The following RELN variants were observed in gnomAD, a reference collection of about 807,000 sequenced individuals.
RELN encodes the protein reelin.
Under a neutral mutation model 427.6 loss-of-function variants are expected in RELN, and 108 were observed. The observed-to-expected ratio is 0.25, with a 90% CI of 0.22 to 0.30. The LOEUF is 0.30. Ranked by LOEUF, RELN falls within the 10% of genes least tolerant of loss-of-function variation. RELN has a pLI of 1.00. For missense variants in RELN, 3,715 were observed against 4,302.8 expected, an observed-to-expected ratio of 0.86 and a Z score of 3.82; for synonymous variants, 1,524 against 1,513.4, an observed-to-expected ratio of 1.01 and a Z score of -0.16.
In RELN at chr7:103,892,955, G is replaced by A. The variant is rs1794881919; in HGVS notation, c.337+24120C>T. 5.3e-5 allele frequency among the ~76,000 whole-genome samples: 8 copies of A among 152,232 alleles called. 1 individual carries two copies. In the South Asian group the frequency reaches 1.7e-3, roughly 32 times the overall value. ...GGTCTTTAGTTCTGAGCTCAACAAA[G>A]AAATTTTGAAAGAGAAGAGAGGGGG... On this transcript the variant is annotated intron_variant, in intron 2 of 64. Coordinates refer to ENST00000428762, the MANE Select transcript of RELN (RefSeq NM_005045.4).
In RELN at chr7:103,661,581, A is replaced by G. The variant is rs543063078; in HGVS notation, c.1290-54T>C. On this transcript the variant is annotated intron_variant, in intron 11 of 64. Coordinates refer to ENST00000428762, the MANE Select transcript of RELN (RefSeq NM_005045.4). ...AGTTAGAATATTAAGCCAAATCTTT[A>G]TAAAGAATAACATTTAGTTTTTAGT... 100 of 1,525,634 alleles carry G rather than the reference A, an allele frequency of 6.6e-5. No individual in the cohort carries two copies. In the African/African-American group the frequency reaches 1.3e-3, roughly 20 times the overall value. The allele number at this position is 1,525,634 out of a possible 1,614,324, so 94.5% of individuals were successfully genotyped here.
At chr7:103,581,434 T>G (rs1372327219) in intron 28 of RELN, among the ~76,000 whole-genome samples, 1 of 152,164 alleles carries the variant, frequency 6.6e-6, no homozygotes, top group Non-Finnish European at 1.5e-5. Context: ...GGACCCACAT[T>G]CACATCTCAA....
intron 6 of RELN, among the ~76,000 whole-genome samples, chr7:103,741,445 CAGTT>C (rs1261608150): frequency 1.3e-5 from 2 of 151,786 alleles, no homozygotes; most frequent in African/African-American, 2.4e-5. Flanking sequence ...CTTGGGGACT[CAGTT>C]AAATAAATTA....
At chr7:103,851,544 T>C (rs1469721858) in intron 2 of RELN, among the ~76,000 whole-genome samples, 1 of 152,186 alleles carries the variant, frequency 6.6e-6, no homozygotes, top group African/African-American at 2.4e-5. Flanking sequence ...GCAAGCAATG[T>C]AAATGGAAGG....
chr7:103,776,035 T>A (rs944449597), intron 4 of RELN, among the ~76,000 whole-genome samples: 3 of 152,230 alleles, frequency 2.0e-5, no homozygotes, highest in African/African-American at 7.2e-5. Context: ...TGTGTGTGCA[T>A]GTGCATGCAT....
At position 103,566,212 on chromosome 7, in the gene RELN, G is replaced by T; in HGVS notation, c.4936+12C>A. 6.2e-7 allele frequency: 1 copy of T among 1,601,976 alleles called. No homozygotes were observed. The highest frequency in any genetic ancestry group is 1.1e-5 in the South Asian group (1 of 90,776). The stretch of plus-strand genomic sequence containing the variant: ...ATCAGATATTTTCCCTTTATCTGGT[G>T]ACAATATATACCTATGTTTTCAGTG... On this transcript the variant is annotated intron_variant, in intron 33 of 64. Transcript: ENST00000428762.
intron 3 of RELN, among the ~76,000 whole-genome samples, chr7:103,785,411 A>C (rs1288757696): frequency 6.6e-6 from 1 of 152,142 alleles, no homozygotes; most frequent in Non-Finnish European, 1.5e-5. Flanking sequence ...ACAGTCTGTA[A>C]ATTTGCTGAA....
At chr7:103,636,803 T>C (rs1484886597) in intron 17 of RELN, among the ~76,000 whole-genome samples, 3 of 152,220 alleles carry the variant, frequency 2.0e-5, no homozygotes, top group Non-Finnish European at 4.4e-5. Flanking sequence ...ATAACACTCA[T>C]TAAATTTATA....
chr7:103,876,177 G>T (rs74739009), intron 2 of RELN, among the ~76,000 whole-genome samples: 2 of 152,068 alleles, frequency 1.3e-5, no homozygotes, highest in East Asian at 1.9e-4. Context: ...TAACTTGTAC[G>T]GAAAGATGAA....
intron 4 of RELN, among the ~76,000 whole-genome samples, chr7:103,768,362 T>TAA (rs71154368): frequency 1.2e-4 from 18 of 148,092 alleles, no homozygotes; most frequent in African/African-American, 3.7e-4. Context: ...TCAGAGATAT[T>TAA]AAAAAAAAAA....
chr7:103,742,156 G>A (rs1447638801), intron 6 of RELN, among the ~76,000 whole-genome samples: 1 of 152,164 alleles, frequency 6.6e-6, no homozygotes, highest in Non-Finnish European at 1.5e-5. Context: ...AGGCAAACAG[G>A]GTCTGGAGTG....
At chr7:103,918,224 G>C (rs928334203) in intron 1 of RELN, among the ~76,000 whole-genome samples, 5 of 152,048 alleles carry the variant, frequency 3.3e-5, no homozygotes, top group South Asian at 2.1e-4. Context: ...TAATGGCATG[G>C]GGGATTGGAA....
At chr7:103,692,199 G>A (rs944363225) in intron 10 of RELN, among the ~76,000 whole-genome samples, 3 of 152,234 alleles carry the variant, frequency 2.0e-5, no homozygotes, top group Admixed American at 6.5e-5. Context: ...GTGGGATCAC[G>A]AAGGGGCAAG....
chr7:103,988,558 G>C lies in RELN; in HGVS notation c.226+573C>G, dbSNP rs1797149745. 6.6e-6 allele frequency among the ~76,000 whole-genome samples: 1 copy of C among 152,220 alleles called. No homozygotes were observed. The highest frequency in any genetic ancestry group is 2.4e-5 in the African/African-American group (1 of 41,456). ...CTTTCAAAAGAATAGGGAGCTGGAAGCAGCCGCTCCCTTTCAGGAGGGCTG... is the reference window on the plus strand; with the variant it reads ...CTTTCAAAAGAATAGGGAGCTGGAACCAGCCGCTCCCTTTCAGGAGGGCTG... On this transcript the variant is annotated intron_variant, in intron 1 of 64. Transcript: ENST00000428762. The surrounding 1 kb of genome is among the most constrained non-coding windows in gnomAD (Gnocchi z 4.9).
At chr7:103,525,823 A>C (rs1356138234) in intron 46 of RELN, among the ~76,000 whole-genome samples, 1 of 152,036 alleles carries the variant, frequency 6.6e-6, no homozygotes, top group East Asian at 1.9e-4. Context: ...TGGTTCCCCT[A>C]ATATCTTACA....
At position 103,497,888 on chromosome 7, in the gene RELN, T is replaced by C. The variant is rs778198274; in HGVS notation, c.8882A>G (p.Asn2961Ser). The C allele has an allele frequency of 1.9e-6, 3 of 1,614,024 alleles. No homozygotes were observed. The highest frequency in any genetic ancestry group is 2.5e-6 in the Non-Finnish European group (3 of 1,180,014). Residue 2961 changes from asparagine to serine, a missense_variant, in exon 55 of 65, where the codon AAC becomes AGC. Around this residue, in one of 4 missense-constraint regions of RELN, gnomAD observed 1,310 missense variants for 1,643.0 expected, o/e 0.80. Coordinates refer to ENST00000428762, the MANE Select transcript of RELN (RefSeq NM_005045.4). ...QYWGRIGSEN[N>S]MTSCHRPICR... ...GATGGGACGATGGCAAGAGGTCATG[T>C]TGTTCTCACTACCGATGCGCCCCCA...
At position 103,762,821 on chromosome 7, in the gene RELN, C is replaced by G. The variant is rs140246087; in HGVS notation, c.545-9607G>C. Among the ~76,000 whole-genome samples, 233 of 151,950 alleles carry G rather than the reference C, an allele frequency of 1.5e-3. 1 individual carries two copies. Among genetic ancestry groups the G allele is most frequent in the African/African-American group, 5.2e-3 (217 of 41,400 alleles). On this transcript the variant is annotated intron_variant, in intron 4 of 64. Coordinates refer to ENST00000428762, the MANE Select transcript of RELN (RefSeq NM_005045.4). Reference sequence around the variant, plus strand: ...GATGAATTGTATAATCTGTCTTGCTCTAAGATAGATTTAAGGCAGCTTACA... The same window carrying G: ...GATGAATTGTATAATCTGTCTTGCTGTAAGATAGATTTAAGGCAGCTTACA...
At chr7:103,583,549 T>C (rs1831201944) in intron 28 of RELN, among the ~76,000 whole-genome samples, 1 of 152,246 alleles carries the variant, frequency 6.6e-6, no homozygotes, top group Non-Finnish European at 1.5e-5. Context: ...GATAAAAGTT[T>C]AGAAGATTCC....
intron 4 of RELN, among the ~76,000 whole-genome samples, chr7:103,762,515 A>G (rs922234878): frequency 4.6e-5 from 7 of 152,196 alleles, no homozygotes; most frequent in Admixed American, 1.3e-4. Context: ...CACAGTAGCA[A>G]TTAGAGCTGA....
Sources: allele counts gnomAD v4.1 joint callset (sites outside exome capture counted in the v4.1 genomes callset), GRCh38; gene constraint gnomAD v4.1.1; regional missense constraint gnomAD v4.1.1; non-coding constraint Gnocchi (gnomAD v3.1); transcripts MANE v1.5; gene names NCBI Gene and HGNC (gene_info 2026-07-23, HGNC 2026-07-21).